STAB2: variants seen among roughly 807,000 people sequenced by gnomAD.
The protein encoded by STAB2 is stabilin-2.
Under a neutral mutation model 338.1 loss-of-function variants are expected in STAB2, and 288 were observed. The ratio of observed to expected loss-of-function variants is 0.85; its 90% CI spans 0.77 to 0.94. STAB2 has a LOEUF of 0.94. Among genes scored for constraint, STAB2 ranks in the 40% least tolerant of loss-of-function variants. STAB2 has a pLI of 0.00. For synonymous variants in STAB2, 1,202 were observed against 1,193.3 expected (o/e 1.01, Z -0.15); for missense variants, 3,141 against 3,210.1 (o/e 0.98, Z 0.52).
At chr12:103,714,525 AC>A (rs1298134244) in intron 42 of STAB2, among the ~76,000 whole-genome samples, 15 of 152,164 alleles carry the variant, frequency 9.9e-5, no homozygotes, top group African/African-American at 3.4e-4. Context: ...TGGTGAAACC[AC>A]ATCTCTACTA....
rs1377778852 is a variant in STAB2 at position 103,668,657 on chromosome 12, C to G, written c.2100C>G (p.His700Gln). The change falls in exon 20 of 69, where the codon CAC (histidine) becomes CAG (glutamine). Residue 700 changes from histidine to glutamine, a missense_variant. Physicochemically the swap from His to Gln is conservative, Grantham distance 24. Transcript: ENST00000388887. ...GCTTTCTCCAGGCACTCTTCACACA[C>G]AGATGTGTCTACAGTGGCAGGTTTG... ...ANSEPTALFT[H>Q]RCVYSGRFGS... The G allele has an allele frequency of 2.6e-6, 4 of 1,551,906 alleles. No homozygotes were observed. The highest frequency in any genetic ancestry group is 2.4e-5 in the East Asian group (1 of 41,020).
intron 3 of STAB2, among the ~76,000 whole-genome samples, chr12:103,601,675 G>A (rs1956956488): frequency 6.6e-6 from 1 of 152,328 alleles, no homozygotes; most frequent in East Asian, 1.9e-4. Flanking sequence ...ATGGCTATTT[G>A]AACCTGAAGA....
At chr12:103,597,129 A>G (rs1212026556) in intron 3 of STAB2, among the ~76,000 whole-genome samples, 1 of 152,056 alleles carries the variant, frequency 6.6e-6, no homozygotes, top group Non-Finnish European at 1.5e-5. Flanking sequence ...TCATCTTCCA[A>G]ACACACTAGA....
intron 2 of STAB2, among the ~76,000 whole-genome samples, chr12:103,591,875 T>C (rs1229888614): frequency 6.6e-6 from 1 of 152,242 alleles, no homozygotes; most frequent in Admixed American, 6.5e-5. Context: ...ATGCAATTTG[T>C]ATTTGCGCAG....
intron 17 of STAB2, 40 bp downstream of exon 17, chr12:103,660,803 C>T: frequency 6.3e-7 from 1 of 1,584,136 alleles, no homozygotes. Context: ...CACTTGAACA[C>T]ATCTTTGCTC....
At chr12:103,612,387 T>A (rs1030187161) in intron 3 of STAB2, among the ~76,000 whole-genome samples, 2 of 152,232 alleles carry the variant, frequency 1.3e-5, no homozygotes, top group Non-Finnish European at 1.5e-5. Context: ...TTCATTTCTT[T>A]TTATTCTTTT....
At chr12:103,701,945 TGA>T (rs1033712141) in intron 34 of STAB2, among the ~76,000 whole-genome samples, 18 of 151,020 alleles carry the variant, frequency 1.2e-4, no homozygotes, top group African/African-American at 4.1e-4. Context: ...GATCCTAACT[TGA>T]GTTTTCCCCT....
intron 6 of STAB2, among the ~76,000 whole-genome samples, chr12:103,632,848 C>G (rs1387046727): frequency 6.6e-6 from 1 of 152,224 alleles, no homozygotes; most frequent in Non-Finnish European, 1.5e-5. Flanking sequence ...AGCCGGGGAG[C>G]TGAGATGTTA....
chr12:103,664,971 G>A (rs764278818), intron 18 of STAB2, among the ~76,000 whole-genome samples: 7 of 152,166 alleles, frequency 4.6e-5, no homozygotes, highest in Non-Finnish European at 7.4e-5. Context: ...TCACCTGTTC[G>A]ATTTCAGATT....
At chr12:103,607,426 G>A (rs1426425638) in intron 3 of STAB2, among the ~76,000 whole-genome samples, 3 of 150,190 alleles carry the variant, frequency 2.0e-5, no homozygotes, top group African/African-American at 7.4e-5. Flanking sequence ...TAGGGTACAT[G>A]TGCGCAACGT....
intron 31 of STAB2, among the ~76,000 whole-genome samples, chr12:103,694,058 C>T (rs538990412): frequency 6.6e-6 from 1 of 151,838 alleles, no homozygotes; most frequent in African/African-American, 2.4e-5. Flanking sequence ...GGGCTGCAGG[C>T]GCTCCCTAAG....
intron 5 of STAB2, among the ~76,000 whole-genome samples, chr12:103,630,015 G>A (rs948336128): frequency 6.6e-6 from 1 of 152,228 alleles, no homozygotes; most frequent in Non-Finnish European, 1.5e-5. Context: ...TTAGAGTCAG[G>A]TTGGAGTGGC....
At chr12:103,676,837 T>A (rs1316801044) in intron 24 of STAB2, among the ~76,000 whole-genome samples, 1 of 152,210 alleles carries the variant, frequency 6.6e-6, no homozygotes, top group Non-Finnish European at 1.5e-5. Context: ...ATCATGTTTT[T>A]CAGGTTTAAG....
chr12:103,757,026 TA>T (rs1884174383), intron 63 of STAB2, among the ~76,000 whole-genome samples: 1 of 142,242 alleles, frequency 7.0e-6, no homozygotes, highest in Non-Finnish European at 1.5e-5. Context: ...TATATATATA[TA>T]TATAAAATAT....
At chr12:103,730,307 TC>T in intron 49 of STAB2, 51 bp downstream of exon 49, 1 of 1,566,888 alleles carries the variant, frequency 6.4e-7, no homozygotes, top group Non-Finnish European at 8.7e-7. Context: ...CAATACATTA[TC>T]ATCTCTATTC....
At chr12:103,678,191 A>G (rs1176552858) in intron 25 of STAB2, among the ~76,000 whole-genome samples, 1 of 152,196 alleles carries the variant, frequency 6.6e-6, no homozygotes, top group African/African-American at 2.4e-5. Context: ...GGGAACCAGG[A>G]TTTTAAATCA....
intron 12 of STAB2, 45 bp downstream of exon 12, chr12:103,652,750 C>G: frequency 6.7e-7 from 1 of 1,499,222 alleles, no homozygotes; most frequent in Non-Finnish European, 8.9e-7. Flanking sequence ...AATTATCCAC[C>G]AAGCCAATGC....
At chr12:103,692,054 G>T (rs2138913648) in intron 30 of STAB2, among the ~76,000 whole-genome samples, 1 of 152,330 alleles carries the variant, frequency 6.6e-6, no homozygotes, top group East Asian at 1.9e-4. Flanking sequence ...ACCACAGACT[G>T]GGAGGCTTAA....
intron 68 of STAB2, 172 bp from the exon 69 acceptor site, chr12:103,766,114 C>CCAGCCCATCCTGCCTCCCAACA (rs1566090098): frequency 2.3e-6 from 2 of 878,208 alleles, no homozygotes; most frequent in Non-Finnish European, 3.7e-6. Context: ...GGCCCTACCC[C>CCAGCCCATCCTGCCTCCCAACA]CAGCCCATCC....
Sources: allele counts gnomAD v4.1 joint callset (sites outside exome capture counted in the v4.1 genomes callset), GRCh38; gene constraint gnomAD v4.1.1; transcripts MANE v1.5; gene names NCBI Gene and HGNC (gene_info 2026-07-23, HGNC 2026-07-21).